The following CBLN2 variants were observed in gnomAD, a reference collection of about 807,000 sequenced individuals.
CBLN2 encodes cerebellin-2.
Under a neutral mutation model 15.0 loss-of-function variants are expected in CBLN2, and 7 were observed. That is an observed-to-expected ratio of 0.47 (90% CI 0.27 to 0.88). CBLN2 has a LOEUF of 0.88. Among genes scored for constraint, CBLN2 ranks in the 40% least tolerant of loss-of-function variants. The pLI, the probability that CBLN2 is intolerant of heterozygous loss-of-function variation, is 0.14. For synonymous variants in CBLN2, 149 were observed against 135.2 expected, an observed-to-expected ratio of 1.10 and a Z score of -0.71; for missense variants, 242 against 304.5, an observed-to-expected ratio of 0.79 and a Z score of 1.53.
chr18:72,621,914 G>A (rs1431717331), intron 1 of CBLN2, among the ~76,000 whole-genome samples: 1 of 152,176 alleles, frequency 6.6e-6, no homozygotes, highest in East Asian at 1.9e-4. Context: ...AGAAACCGAT[G>A]GATTCATATT....
intron 1 of CBLN2, among the ~76,000 whole-genome samples, chr18:72,610,550 C>T (rs1021686064): frequency 3.3e-5 from 5 of 152,238 alleles, no homozygotes; most frequent in Admixed American, 2.0e-4. Flanking sequence ...AGGGAAGGGA[C>T]TCTGTATATC....
Position 72,559,777 on chromosome 18 carries a change from C to T in CBLN2, c.16-21005G>A, listed in dbSNP as rs148846011. 1.5e-3 allele frequency among the ~76,000 whole-genome samples: 226 copies of T among 152,178 alleles called. 3 individuals carry two copies. Among genetic ancestry groups the T allele is most frequent in the African/African-American group, 5.4e-3 (223 of 41,514 alleles). ...TTATTGTGTTTAGACTTCTAAAGGG[C>T]GCTTCATATAGCATTGGAGATAAAA... is the stretch of plus-strand genomic sequence containing the variant. On this transcript the variant is annotated intron_variant, in intron 1 of 2. Coordinates refer to the CBLN2 transcript ENST00000581073.
At chr18:72,608,362 G>C (rs2144950853) in intron 1 of CBLN2, among the ~76,000 whole-genome samples, 1 of 152,104 alleles carries the variant, frequency 6.6e-6, no homozygotes, top group South Asian at 2.1e-4. Flanking sequence ...TCTTCCTTTG[G>C]GGCTCCCATG....
At chr18:72,591,419 C>T (rs938975754) in intron 1 of CBLN2, among the ~76,000 whole-genome samples, 1 of 152,092 alleles carries the variant, frequency 6.6e-6, no homozygotes, top group Non-Finnish European at 1.5e-5. Context: ...TATTTTGATA[C>T]AGGCATACAA....
chr18:72,587,135 AT>A (rs1397447597), intron 1 of CBLN2, among the ~76,000 whole-genome samples: 1 of 152,032 alleles, frequency 6.6e-6, no homozygotes, highest in East Asian at 1.9e-4. Context: ...GTTTTAATTT[AT>A]TTTTTGTCAG....
At chr18:72,608,952 C>G (rs1388445812) in intron 1 of CBLN2, among the ~76,000 whole-genome samples, 2 of 152,146 alleles carry the variant, frequency 1.3e-5, no homozygotes, top group Non-Finnish European at 2.9e-5. Flanking sequence ...TGTCATGAGA[C>G]TTATTCACTA....
intron 3 of CBLN2, 23 bp downstream of exon 3, chr18:72,541,781 G>T (rs1396062648): frequency 1.3e-6 from 2 of 1,509,118 alleles, no homozygotes; most frequent in African/African-American, 2.8e-5. Flanking sequence ...GCTGGGGGCG[G>T]GGTGGGCAGG....
intron 3 of CBLN2, among the ~76,000 whole-genome samples, chr18:72,540,691 C>A (rs1368036728): frequency 6.6e-6 from 1 of 151,676 alleles, no homozygotes; most frequent in East Asian, 1.9e-4. Context: ...GAAAAAAAAA[C>A]CTCAAATACT....
chr18:72,567,562 C>T (rs1384565835), intron 1 of CBLN2, among the ~76,000 whole-genome samples: 1 of 152,178 alleles, frequency 6.6e-6, no homozygotes, highest in Admixed American at 6.5e-5. Context: ...TGTAAAGATA[C>T]AGAATATGGA....
chr18:72,547,114 A>T (rs1299407963), upstream of CBLN2, among the ~76,000 whole-genome samples: 551 of 6,476 alleles, frequency 0.085, 2 homozygotes, highest in Middle Eastern at 0.5. Context: ...AAAGTGTCAC[A>T]CACACACACA....
At chr18:72,562,965 G>T (rs770549716) in intron 1 of CBLN2, among the ~76,000 whole-genome samples, 1 of 152,308 alleles carries the variant, frequency 6.6e-6, no homozygotes, top group East Asian at 1.9e-4. Context: ...CCATTTTAGC[G>T]AGAGGTGCTC....
chr18:72,597,427 T>C (rs1439211351), intron 1 of CBLN2, among the ~76,000 whole-genome samples: 1 of 152,238 alleles, frequency 6.6e-6, no homozygotes, highest in African/African-American at 2.4e-5. Flanking sequence ...TGCCTGGAGC[T>C]GAGCTCGGGA....
chr18:72,607,054 T>G (rs1344621572), intron 1 of CBLN2, among the ~76,000 whole-genome samples: 1 of 152,198 alleles, frequency 6.6e-6, no homozygotes, highest in Admixed American at 6.5e-5. Context: ...AGGGTGGGCT[T>G]TATCCCAATA....
intron 1 of CBLN2, among the ~76,000 whole-genome samples, chr18:72,592,554 A>G (rs1005556984): frequency 3.3e-5 from 5 of 152,110 alleles, no homozygotes; most frequent in African/African-American, 1.2e-4. Context: ...GTATTACTCA[A>G]GAAATCTTTG....
intron 1 of CBLN2, among the ~76,000 whole-genome samples, chr18:72,587,199 A>T (rs2069449594): frequency 6.6e-6 from 1 of 152,064 alleles, no homozygotes; most frequent in South Asian, 2.1e-4. Context: ...TGAGGTGGTG[A>T]TATTTTCAAG....
intron 1 of CBLN2, among the ~76,000 whole-genome samples, chr18:72,564,453 G>T (rs777001513): frequency 2.0e-5 from 3 of 152,048 alleles, no homozygotes; most frequent in African/African-American, 7.2e-5. Flanking sequence ...GCAGAAGAAA[G>T]AATTTCTGAT....
intron 1 of CBLN2, among the ~76,000 whole-genome samples, chr18:72,604,109 T>G (rs2069567589): frequency 3.3e-5 from 5 of 152,198 alleles, no homozygotes; most frequent in Admixed American, 1.3e-4. Context: ...TTTGAGAATC[T>G]GATTTACACT....
intron 1 of CBLN2, among the ~76,000 whole-genome samples, chr18:72,620,780 A>C (rs2069695448): frequency 6.6e-6 from 1 of 152,152 alleles, no homozygotes; most frequent in South Asian, 2.1e-4. Flanking sequence ...AAGTGTTCAG[A>C]TCTTCCAACA....
intron 1 of CBLN2, among the ~76,000 whole-genome samples, chr18:72,603,280 T>C (rs2069561302): frequency 6.6e-6 from 1 of 152,246 alleles, no homozygotes; most frequent in South Asian, 2.1e-4. Flanking sequence ...TTTTCAATGG[T>C]ATGGGACTAT....
Sources: allele counts gnomAD v4.1 joint callset (sites outside exome capture counted in the v4.1 genomes callset), GRCh38; gene constraint gnomAD v4.1.1; transcripts MANE v1.5; gene names NCBI Gene and HGNC (gene_info 2026-07-23, HGNC 2026-07-21).